PRELID2: variants seen among roughly 807,000 people sequenced by gnomAD.
The protein encoded by PRELID2 is PRELI domain-containing protein 2.
In PRELID2, 25 loss-of-function variants were observed where a neutral mutation model predicts 28.4. The ratio of observed to expected loss-of-function variants is 0.88; its 90% CI spans 0.64 to 1.23. PRELID2 has a LOEUF of 1.23. Ranked by LOEUF, PRELID2 falls within the 50% of genes most tolerant of loss-of-function variation. The probability of loss-of-function intolerance (pLI) is 0.00; values close to 1 mark genes in which losing one functional copy is unlikely to be tolerated. For missense variants in PRELID2, 201 were observed against 214.4 expected, an observed-to-expected ratio of 0.94 and a Z score of 0.39; for synonymous variants, 76 against 71.6, an observed-to-expected ratio of 1.06 and a Z score of -0.31.
chr5:145,471,618 T>C (rs1225801672), downstream of PRELID2, among the ~76,000 whole-genome samples: 1 of 152,122 alleles, frequency 6.6e-6, no homozygotes, highest in African/African-American at 2.4e-5. Context: ...CTACTTCTCA[T>C]GTTTCACATT....
At chr5:145,466,663 C>G in the PRELID2 span, among the ~76,000 whole-genome samples, 1 of 152,096 alleles carries the variant, frequency 6.6e-6, no homozygotes, top group Non-Finnish European at 1.5e-5. Context: ...AATCCAAGAA[C>G]ACATTGTCCC....
intron 1 of PRELID2, among the ~76,000 whole-genome samples, chr5:145,563,058 T>C (rs114024646): frequency 0.011 from 1,610 of 152,348 alleles, 9 homozygotes; most frequent in African/African-American, 0.016. Context: ...TCACCATTCT[T>C]TGTTAATGTG....
At chr5:145,612,394 ATCATAT>A (rs1753630068) in intron 1 of PRELID2, among the ~76,000 whole-genome samples, 1 of 152,234 alleles carries the variant, frequency 6.6e-6, no homozygotes, top group Non-Finnish European at 1.5e-5. Flanking sequence ...TTACAGAGGA[ATCATAT>A]TCATAGCATA....
intron 1 of PRELID2, among the ~76,000 whole-genome samples, chr5:145,651,487 C>A (rs1754297070): frequency 6.6e-6 from 1 of 152,182 alleles, no homozygotes; most frequent in Non-Finnish European, 1.5e-5. Flanking sequence ...CCCTGAGTAG[C>A]ATAACTGGGA....
downstream of PRELID2, among the ~76,000 whole-genome samples, chr5:145,753,813 T>C (rs1481326374): frequency 1.3e-5 from 2 of 152,186 alleles, no homozygotes; most frequent in Non-Finnish European, 2.9e-5. Context: ...AAATACTGCA[T>C]TTAAAATTTT....
At chr5:145,645,988 G>C (rs1328233679) in intron 1 of PRELID2, among the ~76,000 whole-genome samples, 1 of 152,132 alleles carries the variant, frequency 6.6e-6, no homozygotes, top group Non-Finnish European at 1.5e-5. Context: ...TTCAACCTTG[G>C]TGAATCTGAC....
chr5:145,267,793 T>G, the PRELID2 span, among the ~76,000 whole-genome samples: 1 of 152,164 alleles, frequency 6.6e-6, no homozygotes, highest in Admixed American at 6.6e-5. Flanking sequence ...AAAGGTTGCT[T>G]TTTCTGCACA....
the PRELID2 span, among the ~76,000 whole-genome samples, chr5:145,423,100 G>A: frequency 1.3e-5 from 2 of 151,794 alleles, no homozygotes; most frequent in African/African-American, 2.4e-5. Context: ...TCTGCCGAGA[G>A]ATCCGCTGTT....
At chr5:145,320,972 T>C in the PRELID2 span, among the ~76,000 whole-genome samples, 1 of 152,214 alleles carries the variant, frequency 6.6e-6, no homozygotes, top group African/African-American at 2.4e-5. Flanking sequence ...AGTTAATTTT[T>C]ACTCCATCTC....
rs138696014 is a variant in PRELID2 at position 145,566,322 on chromosome 5, A to G, written n.71-93007T>C. 1.7e-3 allele frequency among the ~76,000 whole-genome samples: 252 copies of G among 152,296 alleles called. 1 individual carries two copies. The highest frequency in any genetic ancestry group is 5.8e-3 in the African/African-American group (242 of 41,548). Reference sequence around the variant, plus strand: ...TTATTTTTTGCCAAGTACACCACACATCCACTCTTCCAACGCCATCAAGAG... The same window carrying G: ...TTATTTTTTGCCAAGTACACCACACGTCCACTCTTCCAACGCCATCAAGAG... On this transcript the variant is annotated intron_variant and non_coding_transcript_variant, in intron 1 of 2. Transcript: ENST00000510259.
chr5:145,408,261 G>A, the PRELID2 span, among the ~76,000 whole-genome samples: 1 of 151,840 alleles, frequency 6.6e-6, no homozygotes, highest in Admixed American at 6.6e-5. Context: ...ACCCTTAAAA[G>A]ATCACACTAG....
intron 4 of PRELID2, among the ~76,000 whole-genome samples, chr5:145,797,602 C>G (rs994785172): frequency 6.6e-6 from 1 of 152,086 alleles, no homozygotes; most frequent in African/African-American, 2.4e-5. Flanking sequence ...AACAAAAGAT[C>G]ATGGGCTCTT....
At chr5:145,767,534 C>T (rs1255903031) in intron 5 of PRELID2, among the ~76,000 whole-genome samples, 1 of 152,150 alleles carries the variant, frequency 6.6e-6, no homozygotes, top group Non-Finnish European at 1.5e-5. Context: ...GCTAAAAGAG[C>T]ACACTATAAC....
At chr5:145,800,532 TCA>T (rs2149825214) in intron 4 of PRELID2, among the ~76,000 whole-genome samples, 1 of 152,316 alleles carries the variant, frequency 6.6e-6, no homozygotes, top group South Asian at 2.1e-4. Context: ...TTGAGCAGTC[TCA>T]CACTCTTGGG....
chr5:145,546,440 T>C, intron 1 of PRELID2, among the ~76,000 whole-genome samples: 1 of 152,186 alleles, frequency 6.6e-6, no homozygotes, highest in Non-Finnish European at 1.5e-5. Flanking sequence ...GATGAAAGGA[T>C]ACATATGCCC....
the PRELID2 span, among the ~76,000 whole-genome samples, chr5:145,249,178 G>A: frequency 2.6e-5 from 4 of 152,154 alleles, no homozygotes; most frequent in Non-Finnish European, 5.9e-5. Flanking sequence ...GAATTCTCAT[G>A]TCTTTGCTTT....
At chr5:145,763,995 GA>G (rs539187890) in intron 6 of PRELID2, among the ~76,000 whole-genome samples, 338 of 152,188 alleles carry the variant, frequency 2.2e-3, no homozygotes, top group African/African-American at 7.7e-3. Flanking sequence ...AGAATGGCTT[GA>G]ACCCGGGAGA....
chr5:145,549,945 TCTTTC>T (rs1752820806), intron 1 of PRELID2, among the ~76,000 whole-genome samples: 1 of 152,178 alleles, frequency 6.6e-6, no homozygotes, highest in Non-Finnish European at 1.5e-5. Context: ...CTTCCTTCTT[TCTTTC>T]CTTTCAATTC....
intron 1 of PRELID2, chr5:145,728,748 G>A: frequency 6.8e-7 from 1 of 1,461,760 alleles, no homozygotes; most frequent in Non-Finnish European, 9.6e-7. Context: ...TTCAACTGTT[G>A]TGAAGGCTTC....
Sources: gnomAD v4.1 joint callset for allele counts (sites outside exome capture counted in the v4.1 genomes callset) on GRCh38, gnomAD v4.1.1 for gene constraint, MANE v1.5 for transcripts, NCBI Gene and HGNC (gene_info 2026-07-23, HGNC 2026-07-21) for gene names.